The following LDB2 variants were observed in gnomAD, a reference collection of about 807,000 sequenced individuals.
LDB2 encodes LIM domain-binding protein 2.
LDB2 carries 12 observed loss-of-function variants against 44.3 expected under a neutral mutation model. The observed-to-expected ratio is 0.27, with a 90% CI of 0.17 to 0.44. LDB2 has a LOEUF of 0.44. LDB2 is among the 20% of genes least tolerant of loss of function. The pLI is 1.00. For missense variants in LDB2, 344 were observed against 473.5 expected, an observed-to-expected ratio of 0.73 and a Z score of 2.54; for synonymous variants, 164 against 174.8, an observed-to-expected ratio of 0.94 and a Z score of 0.49.
intron 2 of LDB2, among the ~76,000 whole-genome samples, chr4:16,655,128 A>G (rs1196436909): frequency 1.3e-5 from 2 of 152,196 alleles, no homozygotes; most frequent in Admixed American, 6.5e-5. Flanking sequence ...GCATTTGAAA[A>G]AATAGATCCA....
At chr4:16,684,150 T>C (rs1245929484) in intron 2 of LDB2, among the ~76,000 whole-genome samples, 5 of 152,200 alleles carry the variant, frequency 3.3e-5, no homozygotes, top group African/African-American at 1.2e-4. Flanking sequence ...TGTGATGGGC[T>C]CCTCAACAGA....
chr4:16,557,029 T>C (rs1207100387), intron 5 of LDB2, among the ~76,000 whole-genome samples: 1 of 152,218 alleles, frequency 6.6e-6, no homozygotes, highest in Non-Finnish European at 1.5e-5. Context: ...ACTGTGGCCA[T>C]ACTTTCCTTC....
In LDB2 at chr4:16,735,202, T is replaced by C. The variant is rs191670117; in HGVS notation, c.235+23956A>G. ...TCCTGCCCCTCGCATTTCACATCAG[T>C]CTCCCCAATGCTGCCCGCAGTCCCC... On this transcript the variant is annotated intron_variant, in intron 2 of 7. Coordinates refer to ENST00000304523, the MANE Select transcript of LDB2 (RefSeq NM_001290.5). Among the ~76,000 whole-genome samples, 28 of 152,186 alleles carry C rather than the reference T, an allele frequency of 1.8e-4. No homozygotes were observed. The East Asian group carries it at 4.3e-3, about 23-fold the overall frequency.
chr4:16,885,586 T>C (rs1270848779), intron 1 of LDB2, among the ~76,000 whole-genome samples: 2 of 152,212 alleles, frequency 1.3e-5, no homozygotes, highest in African/African-American at 4.8e-5. Flanking sequence ...AGAGGTGTCA[T>C]AAATTAACTT....
intron 1 of LDB2, among the ~76,000 whole-genome samples, chr4:16,808,766 T>C (rs1278134129): frequency 6.6e-6 from 1 of 152,146 alleles, no homozygotes; most frequent in East Asian, 1.9e-4. Context: ...CCACATTTGC[T>C]AGAAAACTTG....
At chr4:16,660,536 T>A (rs1741285885) in intron 2 of LDB2, among the ~76,000 whole-genome samples, 1 of 152,124 alleles carries the variant, frequency 6.6e-6, no homozygotes, top group South Asian at 2.1e-4. Flanking sequence ...AGTAGCATGG[T>A]TTCCTTTCTC....
At chr4:16,863,656 C>CTTTTTTTTTTTTTTT (rs143950913) in intron 1 of LDB2, among the ~76,000 whole-genome samples, 1 of 91,956 alleles carries the variant, frequency 1.1e-5, no homozygotes, top group South Asian at 4.2e-4. Flanking sequence ...CTCACATTCT[C>CTTTTTTTTTTTTTTT]TTTTTTTTTT....
chr4:16,814,268 G>A (rs1222210241), intron 1 of LDB2, among the ~76,000 whole-genome samples: 2 of 152,166 alleles, frequency 1.3e-5, no homozygotes, highest in African/African-American at 2.4e-5. Flanking sequence ...CAAGCTACCC[G>A]CGGAAGCTGA....
intron 1 of LDB2, among the ~76,000 whole-genome samples, chr4:16,893,662 C>T (rs1024386117): frequency 3.9e-5 from 6 of 152,054 alleles, no homozygotes; most frequent in African/African-American, 7.2e-5. Context: ...AATCCTTGTG[C>T]GTACAGCTTC....
intron 2 of LDB2, among the ~76,000 whole-genome samples, chr4:16,664,455 C>T (rs138758882): frequency 4.8e-4 from 73 of 152,208 alleles, no homozygotes; most frequent in Non-Finnish European, 8.8e-4. Context: ...GGCAGGATGG[C>T]AGGGGTAGTA....
At chr4:16,739,728 A>G (rs1312504643) in intron 2 of LDB2, among the ~76,000 whole-genome samples, 15 of 123,038 alleles carry the variant, frequency 1.2e-4, no homozygotes, top group Admixed American at 6.3e-4. Context: ...ATATACATAT[A>G]TGTGTATATA....
At chr4:16,634,296 CAA>C (rs35227929) in intron 2 of LDB2, among the ~76,000 whole-genome samples, 7,086 of 105,516 alleles carry the variant, frequency 0.067, 190 homozygotes, top group African/African-American at 0.092. Context: ...TTTGCACGGC[CAA>C]AAAAAAAAAA....
intron 2 of LDB2, among the ~76,000 whole-genome samples, chr4:16,596,772 G>A (rs1009258475): frequency 2.6e-5 from 4 of 152,058 alleles, no homozygotes; most frequent in Admixed American, 6.6e-5. Flanking sequence ...TAGTTTCAGC[G>A]ATTGTGTAAG....
At position 16,687,414 on chromosome 4, in the gene LDB2, G is replaced by C. The variant is rs1335596323; in HGVS notation, c.235+71744C>G. 3.9e-5 allele frequency among the ~76,000 whole-genome samples: 6 copies of C among 152,262 alleles called. No homozygotes were observed. In the South Asian group the frequency reaches 1.2e-3, roughly 32 times the overall value. Reference sequence around the variant, plus strand: ...ATTGCTGCCTATGAACCAGGAAGCAGGCTGTCACTAGACACCAGATCTTCT... The same window carrying C: ...ATTGCTGCCTATGAACCAGGAAGCACGCTGTCACTAGACACCAGATCTTCT... On this transcript the variant is annotated intron_variant, in intron 2 of 7. Coordinates refer to ENST00000304523, the MANE Select transcript of LDB2 (RefSeq NM_001290.5).
chr4:16,702,091 G>A (rs1186378280), intron 2 of LDB2, among the ~76,000 whole-genome samples: 1 of 152,018 alleles, frequency 6.6e-6, no homozygotes, highest in Non-Finnish European at 1.5e-5. Context: ...CATAATTCTT[G>A]CAACTCTAGA....
chr4:16,537,871 A>ATAGG (rs1732406166), intron 5 of LDB2, among the ~76,000 whole-genome samples: 1 of 152,208 alleles, frequency 6.6e-6, no homozygotes, highest in Non-Finnish European at 1.5e-5. Context: ...TATCTAAGGT[A>ATAGG]TAGGTATAAG....
At chr4:16,524,577 G>T (rs897472991) in intron 5 of LDB2, among the ~76,000 whole-genome samples, 2 of 152,184 alleles carry the variant, frequency 1.3e-5, no homozygotes, top group Admixed American at 1.3e-4. Context: ...CAGGCAGGCA[G>T]GGATCCGGTT....
At chr4:16,609,565 C>T (rs1725038120) in intron 2 of LDB2, among the ~76,000 whole-genome samples, 1 of 152,202 alleles carries the variant, frequency 6.6e-6, no homozygotes, top group Admixed American at 6.5e-5. Flanking sequence ...CCCCACAACC[C>T]AACACATCGG....
At chr4:16,577,798 T>G (rs1712370988) in intron 5 of LDB2, among the ~76,000 whole-genome samples, 1 of 152,108 alleles carries the variant, frequency 6.6e-6, no homozygotes, top group African/African-American at 2.4e-5. Flanking sequence ...ACAGGAGGAA[T>G]CACATTATCT....
Sources: gnomAD v4.1 joint callset for allele counts (sites outside exome capture counted in the v4.1 genomes callset) on GRCh38, gnomAD v4.1.1 for gene constraint, MANE v1.5 for transcripts, NCBI Gene and HGNC (gene_info 2026-07-23, HGNC 2026-07-21) for gene names.